The following CDH8 variants were observed in gnomAD, a reference collection of about 807,000 sequenced individuals.
CDH8 encodes cadherin-8.
A neutral mutation model predicts 68.1 loss-of-function variants in CDH8; 17 were observed. The ratio of observed to expected loss-of-function variants is 0.25; its 90% CI spans 0.17 to 0.37. The LOEUF is 0.37. Among genes scored for constraint, CDH8 ranks in the 10% least tolerant of loss-of-function variants. The pLI is 1.00. For synonymous variants in CDH8, 372 were observed against 365.1 expected (o/e 1.02, Z -0.21); for missense variants, 763 against 999.3 (o/e 0.76, Z 3.19).
intron 8 of CDH8, among the ~76,000 whole-genome samples, chr16:61,766,972 G>T (rs2142979222): frequency 6.6e-6 from 1 of 151,994 alleles, no homozygotes. Flanking sequence ...TACGTGCTTT[G>T]GATAAAACAA....
At chr16:61,873,323 G>A (rs1477063965) in intron 3 of CDH8, among the ~76,000 whole-genome samples, 1 of 152,082 alleles carries the variant, frequency 6.6e-6, no homozygotes, top group African/African-American at 2.4e-5. Context: ...GTCTCTGAAA[G>A]GAATAAAAAC....
intron 3 of CDH8, among the ~76,000 whole-genome samples, chr16:61,860,176 G>A (rs1963124830): frequency 6.6e-6 from 1 of 152,080 alleles, no homozygotes; most frequent in South Asian, 2.1e-4. Context: ...TTAACAGAGG[G>A]AGAGACAAAC....
At chr16:61,774,775 CT>C (rs1960864887) in intron 8 of CDH8, among the ~76,000 whole-genome samples, 1 of 152,002 alleles carries the variant, frequency 6.6e-6, no homozygotes, top group Admixed American at 6.6e-5. Flanking sequence ...TATTTCTGCC[CT>C]TAGGAATTTA....
intron 10 of CDH8, chr16:61,693,661 C>A (rs764118006): frequency 1.4e-4 from 21 of 151,994 alleles, no homozygotes; most frequent in Non-Finnish European, 2.6e-4. Flanking sequence ...TAAAAAACAC[C>A]TTTATTTCAT....
chr16:62,000,667 A>C (rs941865269), intron 2 of CDH8, among the ~76,000 whole-genome samples: 8 of 152,334 alleles, frequency 5.3e-5, no homozygotes, highest in Non-Finnish European at 8.8e-5. Context: ...GAGATGCTGA[A>C]GGCATAATGA....
intron 2 of CDH8, among the ~76,000 whole-genome samples, chr16:61,959,708 G>A (rs1420455784): frequency 7.2e-6 from 1 of 138,780 alleles, no homozygotes; most frequent in Non-Finnish European, 1.5e-5. Context: ...GTGTGTCTGT[G>A]TATATACACA....
chr16:61,677,179 G>T (rs1357459451), intron 10 of CDH8, among the ~76,000 whole-genome samples: 1 of 151,026 alleles, frequency 6.6e-6, no homozygotes, highest in African/African-American at 2.4e-5. Context: ...TTTCATTCCA[G>T]TATCTGCTGT....
At chr16:61,778,923 A>G (rs1167135546) in intron 8 of CDH8, among the ~76,000 whole-genome samples, 1 of 152,174 alleles carries the variant, frequency 6.6e-6, no homozygotes, top group Non-Finnish European at 1.5e-5. Flanking sequence ...AGGAAAAAAC[A>G]ATCCTTAAGT....
At chr16:61,900,926 A>G (rs1191334584) in intron 3 of CDH8, among the ~76,000 whole-genome samples, 1 of 152,230 alleles carries the variant, frequency 6.6e-6, no homozygotes, top group Non-Finnish European at 1.5e-5. Context: ...TGAGAGGAAT[A>G]CAAATTCAGC....
intron 4 of CDH8, among the ~76,000 whole-genome samples, chr16:61,851,317 G>A (rs190808526): frequency 7.7e-4 from 117 of 151,634 alleles, no homozygotes; most frequent in South Asian, 5.4e-3. Flanking sequence ...AATGTTGTTT[G>A]TACCCAATGA....
intron 10 of CDH8, among the ~76,000 whole-genome samples, chr16:61,671,990 A>G (rs1963806053): frequency 6.6e-6 from 1 of 152,166 alleles, no homozygotes; most frequent in Admixed American, 6.6e-5. Flanking sequence ...CTTTTGTTGT[A>G]CACTATAGAG....
chr16:61,902,501 A>G (rs568818438), intron 2 of CDH8, among the ~76,000 whole-genome samples: 12 of 152,038 alleles, frequency 7.9e-5, no homozygotes, highest in African/African-American at 2.7e-4. Flanking sequence ...GTACTACTTC[A>G]ATGTACATAT....
intron 2 of CDH8, among the ~76,000 whole-genome samples, chr16:61,904,378 G>A (rs1043009010): frequency 5.9e-5 from 9 of 152,092 alleles, no homozygotes; most frequent in African/African-American, 2.2e-4. Flanking sequence ...CCTCCTCTCT[G>A]AGATTATGGC....
intron 7 of CDH8, among the ~76,000 whole-genome samples, chr16:61,791,159 G>A (rs1961368346): frequency 6.6e-6 from 1 of 151,838 alleles, no homozygotes; most frequent in Non-Finnish European, 1.5e-5. Flanking sequence ...CTAAGACACT[G>A]ACTTTTACCT....
chr16:61,838,306 G>T (rs1292314800), intron 4 of CDH8, among the ~76,000 whole-genome samples: 1 of 151,978 alleles, frequency 6.6e-6, no homozygotes, highest in East Asian at 1.9e-4. Flanking sequence ...TGAATCTAAG[G>T]GAGATACATA....
intron 3 of CDH8, among the ~76,000 whole-genome samples, chr16:61,895,744 C>G (rs1963858847): frequency 6.6e-6 from 1 of 152,038 alleles, no homozygotes; most frequent in South Asian, 2.1e-4. Flanking sequence ...TTTCATTAAC[C>G]CATGTATTCG....
chr16:61,748,487 T>A (rs1960080621), intron 8 of CDH8, among the ~76,000 whole-genome samples: 1 of 151,574 alleles, frequency 6.6e-6, no homozygotes, highest in African/African-American at 2.4e-5. Flanking sequence ...ATAAACAGAG[T>A]AAACACACAT....
intron 3 of CDH8, among the ~76,000 whole-genome samples, chr16:61,898,988 T>A (rs1597050924): frequency 6.6e-6 from 1 of 152,186 alleles, no homozygotes; most frequent in East Asian, 1.9e-4. Context: ...ATGCATTTTT[T>A]AAAATTATAC....
intron 10 of CDH8, among the ~76,000 whole-genome samples, chr16:61,707,988 A>G (rs1269894979): frequency 6.6e-6 from 1 of 152,160 alleles, no homozygotes. Flanking sequence ...CATTTTTTCT[A>G]AATAATTCTT....
Sources: gnomAD v4.1 joint callset for allele counts (sites outside exome capture counted in the v4.1 genomes callset) on GRCh38, gnomAD v4.1.1 for gene constraint, MANE v1.5 for transcripts, NCBI Gene and HGNC (gene_info 2026-07-23, HGNC 2026-07-21) for gene names.